The following PTPRD variants were observed in gnomAD, a reference collection of about 807,000 sequenced individuals.
PTPRD encodes the protein receptor-type tyrosine-protein phosphatase delta.
PTPRD carries 34 observed loss-of-function variants against 214.5 expected under a neutral mutation model. The ratio of observed to expected loss-of-function variants is 0.16; its 90% CI spans 0.12 to 0.21. PTPRD has a LOEUF of 0.21. PTPRD is among the 10% of genes least tolerant of loss of function. The pLI, the probability that PTPRD is intolerant of heterozygous loss-of-function variation, is 1.00. For synonymous variants in PTPRD, 1,128 were observed against 845.7 expected (o/e 1.33, Z -5.79); for missense variants, 2,545 against 2,398.7 (o/e 1.06, Z -1.27).
intron 43 of PTPRD, among the ~76,000 whole-genome samples, chr9:8,332,840 C>T (rs183038807): frequency 2.0e-5 from 3 of 152,250 alleles, no homozygotes; most frequent in East Asian, 1.9e-4. Context: ...GGTCCTACTC[C>T]TAAATGGTCT....
chr9:9,280,950 G>A (rs1053192126), intron 9 of PTPRD, among the ~76,000 whole-genome samples: 1 of 151,172 alleles, frequency 6.6e-6, no homozygotes, highest in African/African-American at 2.4e-5. Flanking sequence ...AGAAAAGAGA[G>A]CCAAGAAGTA....
intron 39 of PTPRD, among the ~76,000 whole-genome samples, chr9:8,364,493 C>T (rs541595700): frequency 6.6e-6 from 1 of 152,196 alleles, no homozygotes; most frequent in Non-Finnish European, 1.5e-5. Context: ...TGATGGGCCT[C>T]CCAAGCATAT....
At chr9:10,517,231 T>A (rs2050442301) in intron 2 of PTPRD, among the ~76,000 whole-genome samples, 1 of 152,014 alleles carries the variant, frequency 6.6e-6, no homozygotes, top group Non-Finnish European at 1.5e-5. Flanking sequence ...TTTGTGTGAT[T>A]TGATTTTTTT....
At chr9:9,301,546 T>G (rs1164911624) in intron 9 of PTPRD, among the ~76,000 whole-genome samples, 1 of 151,914 alleles carries the variant, frequency 6.6e-6, no homozygotes, top group Non-Finnish European at 1.5e-5. Context: ...TTACCTGTGT[T>G]GTTCTGTATT....
Position 8,454,507 on chromosome 9 carries a change from T to G in PTPRD, c.3876-4670A>C, listed in dbSNP as rs370704713. ...TGTGTGCAGCCCCGCCCTCCCCTCT[T>G]CAACAACTCTGAAGTCTACCAGTTT... On this transcript the variant is annotated intron_variant, in intron 33 of 45. Transcript: ENST00000381196. 2.4e-5 allele frequency: 38 copies of G among 1,553,120 alleles called. No homozygotes were observed. In the South Asian group the frequency reaches 4.1e-4, roughly 17 times the overall value.
At chr9:10,262,866 A>T (rs1208438906) in intron 3 of PTPRD, among the ~76,000 whole-genome samples, 1 of 152,162 alleles carries the variant, frequency 6.6e-6, no homozygotes, top group African/African-American at 2.4e-5. Context: ...CTCATCTTGA[A>T]TTGTAGCTCC....
chr9:8,321,516 TATATATATATAAAA>T (rs1828025421), intron 44 of PTPRD, among the ~76,000 whole-genome samples: 1 of 131,250 alleles, frequency 7.6e-6, no homozygotes, highest in African/African-American at 3.0e-5. Flanking sequence ...TATATATATA[TATATATATATAAAA>T]GGTATATGCA....
chr9:10,576,347 T>C (rs899301023), intron 2 of PTPRD, among the ~76,000 whole-genome samples: 2 of 152,162 alleles, frequency 1.3e-5, no homozygotes, highest in African/African-American at 4.8e-5. Context: ...TGCTTTTTAA[T>C]GGCTGATTGT....
intron 2 of PTPRD, among the ~76,000 whole-genome samples, chr9:10,483,339 A>G (rs555588314): frequency 7.9e-5 from 12 of 152,114 alleles, no homozygotes; most frequent in African/African-American, 2.9e-4. Flanking sequence ...CTAAATAAAA[A>G]CCTAGGAAAC....
At position 8,733,865 on chromosome 9, in the gene PTPRD, G is replaced by C. The variant is rs961673275; in HGVS notation, c.-22C>G. 1.5e-5 allele frequency: 24 copies of C among 1,549,382 alleles called. No homozygotes were observed. The Admixed American group carries it at 2.4e-4, about 15-fold the overall frequency. On this transcript the variant is annotated 5_prime_UTR_variant, in exon 12 of 46. Coordinates refer to ENST00000381196, the MANE Select transcript of PTPRD (RefSeq NM_002839.4). Reference sequence around the variant, plus strand: ...CCATCCTGCAGCTTGGCAGCAGCGTGCGCGAGCAGCTTGGAATCACTGCCT... The same window carrying C: ...CCATCCTGCAGCTTGGCAGCAGCGTCCGCGAGCAGCTTGGAATCACTGCCT...
At chr9:9,532,416 C>T (rs1023451044) in intron 8 of PTPRD, among the ~76,000 whole-genome samples, 2 of 152,110 alleles carry the variant, frequency 1.3e-5, no homozygotes, top group African/African-American at 4.8e-5. Context: ...TGGCGTCCTG[C>T]CCAATCCTCT....
chr9:9,021,753 TA>T (rs1024042761), intron 10 of PTPRD, among the ~76,000 whole-genome samples: 2 of 151,756 alleles, frequency 1.3e-5, no homozygotes, highest in Admixed American at 6.6e-5. Context: ...TAATTTTTAG[TA>T]AAAAAAAGTT....
In PTPRD at chr9:9,338,940, GC is replaced by G. The variant is rs547257579; in HGVS notation, c.-203+58508del. Among the ~76,000 whole-genome samples, 286 of 152,128 alleles carry G rather than the reference GC, an allele frequency of 1.9e-3. 1 individual carries two copies. Among genetic ancestry groups the G allele is most frequent in the African/African-American group, 6.6e-3 (272 of 41,504 alleles). ...TCCCAAAACTTTCTATCAAAGAGTG[GC>G]CAAAAATGTTACATGAGAAAAATCG... On this transcript the variant is annotated intron_variant, in intron 9 of 45. Transcript: ENST00000381196.
rs1216952035 is a variant in PTPRD at position 8,781,983 on chromosome 9, T to TA, written c.-103-48038dup. ...GACATCCTCAATTTCTTTTTTTTTT[T>TA]ATTTTTCAAACGGACAAAAACTGTA... On this transcript the variant is annotated intron_variant, in intron 11 of 45. Coordinates refer to ENST00000381196, the MANE Select transcript of PTPRD (RefSeq NM_002839.4). Among the ~76,000 whole-genome samples, 8 of 149,660 alleles carry TA rather than the reference T, an allele frequency of 5.3e-5. 1 individual carries two copies. Among genetic ancestry groups the TA allele is most frequent in the Admixed American group, 4.7e-4 (7 of 14,890 alleles).
rs191208045 is a variant in PTPRD at position 9,017,451 on chromosome 9, C to T, written c.-104+1246G>A. On this transcript the variant is annotated intron_variant, in intron 11 of 45. Transcript: ENST00000381196. ...AATTCTAGGGCTTTGTGTCTTTGAA[C>T]GCCGGAGTAATTTGAACCATTCTAA... Among the ~76,000 whole-genome samples, 11 of 152,182 alleles carry T rather than the reference C, an allele frequency of 7.2e-5. No homozygotes were observed. The East Asian group carries it at 2.1e-3, about 30-fold the overall frequency.
At chr9:10,500,838 A>C (rs1341751825) in intron 2 of PTPRD, among the ~76,000 whole-genome samples, 1 of 151,918 alleles carries the variant, frequency 6.6e-6, no homozygotes, top group Non-Finnish European at 1.5e-5. Flanking sequence ...ACTTAACATA[A>C]TGACCTCCAG....
rs2099940503 is a variant in PTPRD at position 9,199,291 on chromosome 9, A to T, written c.-202-15928T>A. On this transcript the variant is annotated intron_variant, in intron 9 of 45. Coordinates refer to ENST00000381196, the MANE Select transcript of PTPRD (RefSeq NM_002839.4). ...GATTTATTTTAGAAAACATGGAAGA[A>T]CTTTAAGCACATTCTCTTATTCAGG... is the stretch of plus-strand genomic sequence containing the variant. Among the ~76,000 whole-genome samples, 3 of 152,330 alleles carry T rather than the reference A, an allele frequency of 2.0e-5. No homozygotes were observed. In the East Asian group the frequency reaches 5.8e-4, roughly 29 times the overall value.
In PTPRD at chr9:8,929,972, T is replaced by C. The variant is rs1176119862; in HGVS notation, c.-104+88725A>G. 1.3e-5 allele frequency among the ~76,000 whole-genome samples: 2 copies of C among 150,872 alleles called. 1 individual carries two copies. Among genetic ancestry groups the C allele is most frequent in the African/African-American group, 4.9e-5 (2 of 41,000 alleles). Reference sequence around the variant, plus strand: ...GTGTGTGTATATATATATATAACTATTATTATACTTTAAGTTCTAGGATAC... The same window carrying C: ...GTGTGTGTATATATATATATAACTACTATTATACTTTAAGTTCTAGGATAC... On this transcript the variant is annotated intron_variant, in intron 11 of 45. Coordinates refer to ENST00000381196, the MANE Select transcript of PTPRD (RefSeq NM_002839.4).
intron 3 of PTPRD, among the ~76,000 whole-genome samples, chr9:10,067,489 G>A (rs188864107): frequency 6.6e-6 from 1 of 151,792 alleles, no homozygotes; most frequent in African/African-American, 2.4e-5. Flanking sequence ...GACACAGAAG[G>A]ATAAAAAGCA....
Sources: allele counts gnomAD v4.1 joint callset (sites outside exome capture counted in the v4.1 genomes callset), GRCh38; gene constraint gnomAD v4.1.1; transcripts MANE v1.5; gene names NCBI Gene and HGNC (gene_info 2026-07-23, HGNC 2026-07-21).